The following FGD5 variants were observed in gnomAD, a reference collection of about 807,000 sequenced individuals.
FGD5 encodes the protein FYVE, RhoGEF and PH domain containing 5.
A neutral mutation model predicts 133.4 loss-of-function variants in FGD5; 28 were observed. The observed-to-expected ratio is 0.21, with a 90% confidence interval of 0.16 to 0.29. The LOEUF is 0.29. FGD5 is among the 10% of genes least tolerant of loss of function. The pLI, the probability that FGD5 is intolerant of heterozygous loss-of-function variation, is 1.00. For synonymous variants in FGD5, 810 were observed against 776.5 expected (o/e 1.04, Z -0.72); for missense variants, 1,858 against 1,895.2 (o/e 0.98, Z 0.36).
At position 14,926,107 on chromosome 3, in the gene FGD5, A is replaced by C. The variant is rs754298128; in HGVS notation, c.4106A>C (p.Tyr1369Ser). The C allele has an allele frequency of 1.9e-6, 3 of 1,613,764 alleles. No homozygotes were observed. The highest frequency in any genetic ancestry group is 2.5e-6 in the Non-Finnish European group (3 of 1,179,838). Residue 1369 changes from tyrosine (Y) to serine (S), a missense_variant, in exon 18 of 20, where the codon TAT becomes TCT. Tyr to Ser is a moderately radical substitution (Grantham distance 144). Transcript: ENST00000285046. ...GGAGAGGGCTCTGCCATCAGTGGCT[A>C]TCTCAGCCGGTGTAAGAGGGGCAAG... The part of the protein sequence containing the change: ...ASGEGSAISG[Y>S]LSRCKRGKRH...
In FGD5 at chr3:14,921,945, T is replaced by C. The variant is rs556770583; in HGVS notation, c.3597T>C (p.Tyr1199=). The change falls in exon 14 of 20, where the codon TAT becomes TAC. Residue 1199 remains tyrosine (Y), a synonymous_variant. Transcript: ENST00000285046. ...ASSCAERDEW[Y]GCLSRALPED... Reference sequence around the variant, plus strand: ...CCTGTGCAGAGAGGGACGAGTGGTATGGCTGTCTGAGCAGAGCCCTCCCTG... The same window carrying C: ...CCTGTGCAGAGAGGGACGAGTGGTACGGCTGTCTGAGCAGAGCCCTCCCTG... 42 of 1,571,362 alleles carry C rather than the reference T, an allele frequency of 2.7e-5. No homozygotes were observed. The Admixed American group carries it at 7.6e-4, about 29-fold the overall frequency.
At position 14,934,498 on chromosome 3, in the gene FGD5, G is replaced by A. The variant is rs771084451; in HGVS notation, c.*1331G>A. On this transcript the variant is annotated 3_prime_UTR_variant, in exon 20 of 20. Transcript: ENST00000285046. ...GACTTACTTGCATTAAATATTTTCA[G>A]GGGAATTTTTTTTTCCAGTTTGCAG... is the stretch of plus-strand genomic sequence containing the variant. 3 of 152,176 alleles carry A rather than the reference G, an allele frequency of 2.0e-5. No homozygotes were observed. Among genetic ancestry groups the A allele is most frequent in the Non-Finnish European group, 4.4e-5 (3 of 68,032 alleles). The allele number at this position is 152,176 out of a possible 1,614,324, so 9.4% of individuals were successfully genotyped here.
chr3:14,829,332 C>T (rs923938097), intron 1 of FGD5, among the ~76,000 whole-genome samples: 2 of 152,164 alleles, frequency 1.3e-5, no homozygotes, highest in South Asian at 2.1e-4. Flanking sequence ...AGGGGAACGC[C>T]GTCGTGTGGG....
chr3:14,898,876 GC>G, intron 7 of FGD5, 50 bp downstream of exon 7: 2 of 1,510,850 alleles, frequency 1.3e-6, no homozygotes, highest in Non-Finnish European at 1.8e-6. Context: ...GGCAGGGAAG[GC>G]CCCTGAGGAG....
intron 1 of FGD5, among the ~76,000 whole-genome samples, chr3:14,860,821 T>G (rs200969101): frequency 1.8e-3 from 261 of 143,088 alleles, no homozygotes; most frequent in African/African-American, 6.3e-3. Flanking sequence ...AAAAAAAAAA[T>G]TTAAAAATTA....
chr3:14,821,247 A>G lies in FGD5; in HGVS notation c.2176A>G (p.Arg726Gly). ...SESPSSLIFY[R>G]DGKRKGVPFS... ...ATCCCCCTCCTCCCTCATCTTTTAT[A>G]GAGATGGCAAGAGGAAAGGTGTCCC... The change falls in exon 1 of 20, where the codon AGA (arginine) becomes GGA (glycine). Residue 726 changes from arginine to glycine, a missense_variant. This residue lies in a region of FGD5 where 1,824 missense variants were observed against 1,848.9 expected (regional missense o/e 0.99). Transcript: ENST00000285046. 1.9e-6 allele frequency: 3 copies of G among 1,613,884 alleles called. No individual in the cohort carries two copies. Among genetic ancestry groups the G allele is most frequent in the South Asian group, 1.1e-5 (1 of 91,078 alleles).
chr3:14,820,630 G>T lies in FGD5; in HGVS notation c.1559G>T (p.Gly520Val), dbSNP rs2036473754. The change falls in exon 1 of 20, where the codon GGA (glycine) becomes GTA (valine). Residue 520 changes from glycine (G) to valine (V), a missense_variant. Physicochemically the swap from Gly to Val is moderately radical, Grantham distance 109. Transcript: ENST00000285046. The part of the protein sequence containing the change: ...PGIGGAAEEV[G>V]KTLLSLEGKP... The stretch of plus-strand genomic sequence containing the variant: ...ATTGGAGGTGCCGCAGAGGAGGTGG[G>T]AAAGACGCTTTTGTCATTGGAGGGG... 1 of 1,604,202 alleles carries T rather than the reference G, an allele frequency of 6.2e-7. No individual in the cohort carries two copies. The highest frequency in any genetic ancestry group is 1.7e-5 in the Admixed American group (1 of 58,614).
In FGD5 at chr3:14,918,877, G is replaced by A. The variant is rs769170466; in HGVS notation, c.3569+44G>A. 2.5e-6 allele frequency: 4 copies of A among 1,602,490 alleles called. No individual in the cohort carries two copies. The African/African-American group carries it at 5.4e-5, about 21-fold the overall frequency. ...AGGATGGCGCACAAGGCAGAGGTGT[G>A]AGCATGGGAAGGTTCAGAACAACAG... On this transcript the variant is annotated intron_variant, in intron 13 of 19. Coordinates refer to ENST00000285046, the MANE Select transcript of FGD5 (RefSeq NM_152536.4).
intron 2 of FGD5, 149 bp downstream of exon 2, chr3:14,864,409 A>G (rs1459217937): frequency 1.6e-6 from 2 of 1,269,682 alleles, no homozygotes; most frequent in Non-Finnish European, 2.2e-6. Context: ...ACGCAGCATC[A>G]GGGCGCTAGG....
chr3:14,861,628 G>A (rs575681056), intron 1 of FGD5, among the ~76,000 whole-genome samples: 4 of 152,246 alleles, frequency 2.6e-5, no homozygotes, highest in South Asian at 2.1e-4. Context: ...TTTGGCTTCC[G>A]TGAGCCCTCT....
chr3:14,922,059 A>G lies in FGD5; in HGVS notation c.3669+42A>G. 5 of 1,543,812 alleles carry G rather than the reference A, an allele frequency of 3.2e-6. No homozygotes were observed. The highest frequency in any genetic ancestry group is 4.4e-6 in the Non-Finnish European group (5 of 1,140,692). On this transcript the variant is annotated intron_variant, in intron 14 of 19. Coordinates refer to ENST00000285046, the MANE Select transcript of FGD5 (RefSeq NM_152536.4). The surrounding 1 kb of genome is among the most constrained non-coding windows in gnomAD (Gnocchi z 4.1). ...GGCCCACGGGCCACCAGCTTCAGAG[A>G]CCTGGGGTTCCCTGGGCGGGCATTG... is the stretch of plus-strand genomic sequence containing the variant.
rs74338498 is a variant in FGD5 at position 14,832,703 on chromosome 3, A to T, written c.2525+11107A>T. 3.6e-3 allele frequency among the ~76,000 whole-genome samples: 555 copies of T among 152,316 alleles called. 3 individuals are homozygous for T. Among genetic ancestry groups the T allele is most frequent in the African/African-American group, 0.012 (514 of 41,554 alleles). ...ATAGGAATGGTTCTTGCCTCTTTCT[A>T]GTTCATCCCTTTGAGAGCTTCCTGA... On this transcript the variant is annotated intron_variant, in intron 1 of 19. Transcript: ENST00000285046.
chr3:14,849,723 T>C (rs2037122031), intron 1 of FGD5, among the ~76,000 whole-genome samples: 1 of 152,176 alleles, frequency 6.6e-6, no homozygotes, highest in South Asian at 2.1e-4. Context: ...CCACATTCCC[T>C]GTGTTCAGAT....
At chr3:14,830,876 C>T (rs1349970584) in intron 1 of FGD5, among the ~76,000 whole-genome samples, 1 of 152,168 alleles carries the variant, frequency 6.6e-6, no homozygotes, top group Non-Finnish European at 1.5e-5. Context: ...CCACATACAG[C>T]AGTGAACAGA....
In FGD5 at chr3:14,903,460, G is replaced by A. The variant is rs895236390; in HGVS notation, c.3264+2399G>A. 4.0e-5 allele frequency among the ~76,000 whole-genome samples: 6 copies of A among 150,250 alleles called. No homozygotes were observed. In the South Asian group the frequency reaches 6.4e-4, roughly 16 times the overall value. On this transcript the variant is annotated intron_variant, in intron 9 of 19. Transcript: ENST00000285046. ...GCTGGTGCGCTGCACCCACTAACTC[G>A]TCATCTAGCATTAGGTATATCTCCC...
chr3:14,847,062 C>G (rs78101336), intron 1 of FGD5, among the ~76,000 whole-genome samples: 8,836 of 152,202 alleles, frequency 0.058, 326 homozygotes, highest in Middle Eastern at 0.092. Context: ...TGAGATCCTG[C>G]TGGTAAGCAC....
chr3:14,820,030 C>T lies in FGD5; in HGVS notation c.959C>T (p.Ser320Phe). ...ATLEDHAQDE[S>F]AEESCQIVPF... ...CTGGAGGACCATGCACAGGATGAGT[C>T]CGCCGAGGAGAGCTGCCAGATTGTC... The change falls in exon 1 of 20, where the codon TCC becomes TTC. Residue 320 changes from serine to phenylalanine, a missense_variant. Physicochemically the swap from Ser to Phe is radical, Grantham distance 155. Transcript: ENST00000285046. The T allele has an allele frequency of 6.2e-7, 1 of 1,613,988 alleles. No homozygotes were observed. Among genetic ancestry groups the T allele is most frequent in the Non-Finnish European group, 8.5e-7 (1 of 1,179,884 alleles).
At chr3:14,837,418 G>T (rs2036836711) in intron 1 of FGD5, among the ~76,000 whole-genome samples, 1 of 152,210 alleles carries the variant, frequency 6.6e-6, no homozygotes, top group African/African-American at 2.4e-5. Context: ...GTGACAGGCA[G>T]AAATTAGTTT....
intron 8 of FGD5, 74 bp from the exon 9 acceptor site, chr3:14,900,929 G>C: frequency 6.4e-7 from 1 of 1,570,130 alleles, no homozygotes; most frequent in Non-Finnish European, 8.8e-7. Flanking sequence ...TGAGGCCTGT[G>C]ACCTGACACT....
Sources: gnomAD v4.1 joint callset for allele counts (sites outside exome capture counted in the v4.1 genomes callset) on GRCh38, gnomAD v4.1.1 for gene constraint, gnomAD v4.1.1 regional missense constraint, Gnocchi (gnomAD v3.1) non-coding constraint, MANE v1.5 for transcripts, NCBI Gene and HGNC (gene_info 2026-07-23, HGNC 2026-07-21) for gene names.